Variants in CALCRL observed in about 807,000 individuals in gnomAD.
CALCRL encodes calcitonin gene-related peptide type 1 receptor.
In CALCRL, 27 loss-of-function variants were observed where a neutral mutation model predicts 60.4. The observed-to-expected ratio is 0.45, with a 90% confidence interval of 0.33 to 0.62. The LOEUF (loss-of-function observed/expected upper bound fraction) is 0.62, where lower values mean the gene tolerates loss of function less well. CALCRL is among the 20% of genes least tolerant of loss of function. The probability of loss-of-function intolerance (pLI) is 0.03; values close to 1 mark genes in which losing one functional copy is unlikely to be tolerated. For missense variants in CALCRL, 424 were observed against 540.7 expected, an observed-to-expected ratio of 0.78 and a Z score of 2.14; for synonymous variants, 190 against 182.6, an observed-to-expected ratio of 1.04 and a Z score of -0.33.
chr2:187,353,176 CT>C (rs771096192), intron 12 of CALCRL, among the ~76,000 whole-genome samples: 4 of 151,856 alleles, frequency 2.6e-5, no homozygotes, highest in Non-Finnish European at 5.9e-5. Context: ...GAGTTTATCT[CT>C]TTCTTATTTT....
rs747829344 is a variant in CALCRL at position 187,359,282 on chromosome 2, CA to C, written c.782-11del. 8,608 of 1,194,102 alleles carry C rather than the reference CA, an allele frequency of 7.2e-3. No individual in the cohort carries two copies. The highest frequency in any genetic ancestry group is 0.015 in the South Asian group (744 of 48,804). The allele number at this position is 1,194,102 out of a possible 1,614,324, so 74.0% of individuals were successfully genotyped here. ...GGAATCAGTGGAAATCCTGTAATAA[CA>C]AAAAAAAAAGAAAATAAATAGGCAT... On this transcript the variant is annotated splice_polypyrimidine_tract_variant and intron_variant, in intron 10 of 14. Transcript: ENST00000392370.
Position 187,380,830 on chromosome 2 carries a change from C to T in CALCRL, c.185-43G>A, listed in dbSNP as rs184789220. 3.3e-3 allele frequency: 4,779 copies of T among 1,458,382 alleles called. 13 individuals carry two copies. Among genetic ancestry groups the T allele is most frequent in the Non-Finnish European group, 4.1e-3 (4,255 of 1,048,694 alleles). 90.3% of individuals were successfully genotyped at this position (1,458,382 alleles called of 1,614,324 possible). ...AATTGGGGATAATTAAATCCTTCTA[C>T]TTATACATGAAGACATAGTTTTAAA... On this transcript the variant is annotated intron_variant, in intron 5 of 14. Coordinates refer to ENST00000392370, the MANE Select transcript of CALCRL (RefSeq NM_005795.6).
At chr2:187,359,450 G>A (rs1478797009) in intron 10 of CALCRL, among the ~76,000 whole-genome samples, 178 bp from the exon 11 acceptor site, 1 of 151,926 alleles carries the variant, frequency 6.6e-6, no homozygotes, top group Non-Finnish European at 1.5e-5. Flanking sequence ...AAAGTATTAG[G>A]TATTTACATT....
At chr2:187,379,126 C>G (rs1347004515) in intron 7 of CALCRL, 95 bp from the exon 8 acceptor site, 2 of 655,098 alleles carry the variant, frequency 3.1e-6, no homozygotes, top group Non-Finnish European at 5.5e-6. Context: ...GTTGAATAAA[C>G]TATATTTTTA....
At chr2:187,441,285 T>C (rs1413496407) in intron 1 of CALCRL, among the ~76,000 whole-genome samples, 1 of 151,974 alleles carries the variant, frequency 6.6e-6, no homozygotes. Context: ...ATATTTATTA[T>C]ATGTATTTGA....
Position 187,399,379 on chromosome 2 carries a change from C to G in CALCRL, c.-292-11623G>C, listed in dbSNP as rs550165523. ...TATGGCGAGATATTCATACCCAGCT[C>G]AAAAAGTAAATGCAACTCTTAGATG... On this transcript the variant is annotated intron_variant, in intron 1 of 14. Transcript: ENST00000392370. Among the ~76,000 whole-genome samples the G allele has an allele frequency of 5.9e-5, 9 of 151,460 alleles. 1 individual carries two copies. In the South Asian group the frequency reaches 1.5e-3, roughly 24 times the overall value.
At chr2:187,397,369 G>T (rs1184979417) in intron 1 of CALCRL, among the ~76,000 whole-genome samples, 1 of 151,238 alleles carries the variant, frequency 6.6e-6, no homozygotes, top group African/African-American at 2.4e-5. Flanking sequence ...TCCCAGATAG[G>T]ATATCAATCT....
intron 1 of CALCRL, among the ~76,000 whole-genome samples, chr2:187,407,335 T>C (rs893735316): frequency 6.6e-6 from 1 of 152,080 alleles, no homozygotes; most frequent in African/African-American, 2.4e-5. Context: ...CCACATATAT[T>C]TAGGGAGAAT....
Position 187,407,411 on chromosome 2 carries a change from C to T in CALCRL, c.-292-19655G>A, listed in dbSNP as rs544661469. ...TAAATAAGGAAAAGCACTTGAACTA[C>T]TCAAAGGAAGTGTTTTCTCACATTT... On this transcript the variant is annotated intron_variant, in intron 1 of 14. Transcript: ENST00000392370. Among the ~76,000 whole-genome samples the T allele has an allele frequency of 5.7e-4, 87 of 152,036 alleles. 2 individuals are homozygous for T. The highest frequency in any genetic ancestry group is 3.4e-3 in the Middle Eastern group (1 of 292).
intron 1 of CALCRL, among the ~76,000 whole-genome samples, chr2:187,435,083 G>A (rs764400267): frequency 6.6e-6 from 1 of 152,108 alleles, no homozygotes; most frequent in Non-Finnish European, 1.5e-5. Flanking sequence ...TATTTAAACA[G>A]TATATGTGTA....
intron 1 of CALCRL, among the ~76,000 whole-genome samples, chr2:187,424,277 C>CA (rs1202216755): frequency 6.6e-6 from 1 of 151,958 alleles, no homozygotes; most frequent in African/African-American, 2.4e-5. Context: ...TTAGATTCAG[C>CA]ATATTAAAAG....
chr2:187,409,193 A>G (rs1021395998), intron 1 of CALCRL, among the ~76,000 whole-genome samples: 2 of 152,146 alleles, frequency 1.3e-5, no homozygotes, highest in Non-Finnish European at 1.5e-5. Context: ...TACAACATCA[A>G]GTCATTTTTT....
chr2:187,390,706 T>C (rs1342917016), intron 1 of CALCRL, among the ~76,000 whole-genome samples: 1 of 152,186 alleles, frequency 6.6e-6, no homozygotes, highest in Non-Finnish European at 1.5e-5. Context: ...TTCTTTACCC[T>C]ATTCCCTAAT....
chr2:187,435,865 CGTGCGT>C lies in CALCRL; in HGVS notation c.-293+12168_-293+12173del, dbSNP rs1437535562. 1.6e-4 allele frequency among the ~76,000 whole-genome samples: 24 copies of C among 148,422 alleles called. No individual in the cohort carries two copies. The South Asian group carries it at 2.8e-3, about 17-fold the overall frequency. On this transcript the variant is annotated intron_variant, in intron 1 of 14. Coordinates refer to ENST00000392370, the MANE Select transcript of CALCRL (RefSeq NM_005795.6). ...TTGAATCAAGGTGTGTGTGTTTGTG[CGTGCGT>C]GTGTGTGTGTGTGTGTGTGTGTGTA...
At chr2:187,388,096 A>G (rs185098834) in intron 1 of CALCRL, among the ~76,000 whole-genome samples, 1 of 152,080 alleles carries the variant, frequency 6.6e-6, no homozygotes, top group African/African-American at 2.4e-5. Context: ...TTTTTTTCAT[A>G]GAATTACTAA....
At chr2:187,396,427 C>A (rs6753145) in intron 1 of CALCRL, among the ~76,000 whole-genome samples, 1 of 151,684 alleles carries the variant, frequency 6.6e-6, no homozygotes, top group Non-Finnish European at 1.5e-5. Context: ...ATCATTGGAA[C>A]AGGCTTAATG....
chr2:187,358,197 T>A (rs1019119109), intron 12 of CALCRL, among the ~76,000 whole-genome samples: 3 of 151,454 alleles, frequency 2.0e-5, no homozygotes, highest in Admixed American at 6.6e-5. Context: ...TAAAAAAAAA[T>A]TTTTAAAAAT....
chr2:187,432,859 AAAT>A (rs1366881614), intron 1 of CALCRL, among the ~76,000 whole-genome samples: 9 of 152,102 alleles, frequency 5.9e-5, no homozygotes, highest in Non-Finnish European at 1.0e-4. Flanking sequence ...TGGTGTGTTT[AAAT>A]ACACAAAGAC....
chr2:187,380,461 A>C lies in CALCRL; in HGVS notation c.408+6T>G. The C allele has an allele frequency of 6.6e-7, 1 of 1,508,674 alleles. No homozygotes were observed. The highest frequency in any genetic ancestry group is 9.2e-7 in the Non-Finnish European group (1 of 1,084,712). 93.5% of individuals were successfully genotyped at this position (1,508,674 alleles called of 1,614,324 possible). A position where few individuals can be genotyped will look rare whatever the true frequency, so the allele number is the denominator to read the frequency against. The stretch of plus-strand genomic sequence containing the variant: ...AGTTAAATTTCAATTCAGAATTATG[A>C]CATACCTTCACTTTCTCGTGGGTGT... On this transcript the variant is annotated splice_donor_region_variant and intron_variant, in intron 7 of 14. Coordinates refer to ENST00000392370, the MANE Select transcript of CALCRL (RefSeq NM_005795.6).
Sources: gnomAD v4.1 joint callset for allele counts (sites outside exome capture counted in the v4.1 genomes callset) on GRCh38, gnomAD v4.1.1 for gene constraint, MANE v1.5 for transcripts, NCBI Gene and HGNC (gene_info 2026-07-23, HGNC 2026-07-21) for gene names.